DLGAP2: variants seen among roughly 807,000 people sequenced by gnomAD.
DLGAP2 encodes DLG associated protein 2.
A neutral mutation model predicts 100.3 loss-of-function variants in DLGAP2; 26 were observed. The observed-to-expected ratio is 0.26, with a 90% CI of 0.19 to 0.36. The LOEUF is 0.36. Ranked by LOEUF, DLGAP2 falls within the 10% of genes least tolerant of loss-of-function variation. DLGAP2 has a pLI of 1.00. For missense variants in DLGAP2, 1,858 were observed against 1,453.2 expected (o/e 1.28, Z -4.53); for synonymous variants, 886 against 630.1 (o/e 1.41, Z -6.08).
chr8:1,225,673 T>A (rs1047166804), intron 2 of DLGAP2, among the ~76,000 whole-genome samples: 18 of 152,230 alleles, frequency 1.2e-4, no homozygotes, highest in Non-Finnish European at 2.9e-5. Context: ...ATGAACAAAT[T>A]TCTACTAGGT....
At chr8:1,213,408 G>A (rs1220154197) in intron 2 of DLGAP2, among the ~76,000 whole-genome samples, 1 of 152,012 alleles carries the variant, frequency 6.6e-6, no homozygotes, top group African/African-American at 2.4e-5. Context: ...TTAATTTATG[G>A]CAATAAATAT....
intron 2 of DLGAP2, among the ~76,000 whole-genome samples, chr8:912,489 T>G (rs1233666975): frequency 6.6e-6 from 1 of 152,184 alleles, no homozygotes; most frequent in Non-Finnish European, 1.5e-5. Flanking sequence ...GAGGCCTCGT[T>G]CTAGTGTTTG....
intron 1 of DLGAP2, among the ~76,000 whole-genome samples, chr8:826,756 T>G (rs977136801): frequency 1.3e-5 from 2 of 152,154 alleles, no homozygotes; most frequent in Non-Finnish European, 2.9e-5. Flanking sequence ...CAGTGCTGTG[T>G]TTCTTTGGTG....
At chr8:1,424,722 G>A (rs1385315021) in intron 3 of DLGAP2, among the ~76,000 whole-genome samples, 1 of 152,186 alleles carries the variant, frequency 6.6e-6, no homozygotes, top group East Asian at 1.9e-4. Flanking sequence ...GATAGGACAA[G>A]GATGGTGTGA....
intron 2 of DLGAP2, among the ~76,000 whole-genome samples, chr8:1,256,709 G>T (rs945374796): frequency 1.3e-5 from 2 of 152,314 alleles, no homozygotes; most frequent in Admixed American, 1.3e-4. Flanking sequence ...TGGGCCCTCT[G>T]TTCCCGAGTG....
At chr8:1,082,330 C>T (rs1375292967) in intron 2 of DLGAP2, among the ~76,000 whole-genome samples, 1 of 152,074 alleles carries the variant, frequency 6.6e-6, no homozygotes, top group Non-Finnish European at 1.5e-5. Context: ...TTATTTTACC[C>T]CGTTGAGTCT....
At chr8:965,371 C>T (rs1264880819) in intron 2 of DLGAP2, among the ~76,000 whole-genome samples, 3 of 79,492 alleles carry the variant, frequency 3.8e-5, no homozygotes, top group Admixed American at 1.6e-4. Flanking sequence ...CTGACCCCTG[C>T]GCTGTACACG....
At chr8:1,075,640 A>G (rs1292024210) in intron 2 of DLGAP2, among the ~76,000 whole-genome samples, 1 of 152,134 alleles carries the variant, frequency 6.6e-6, no homozygotes, top group Non-Finnish European at 1.5e-5. Flanking sequence ...GTCCTTGATG[A>G]CCACTTGAAC....
At chr8:1,248,107 G>T (rs190443030) in intron 2 of DLGAP2, among the ~76,000 whole-genome samples, 3 of 3,566 alleles carry the variant, frequency 8.4e-4, no homozygotes, top group East Asian at 2.1e-3. Context: ...GATCAGTGTG[G>T]GAGTCTGATG....
At chr8:784,288 T>A (rs1821779745) in intron 1 of DLGAP2, among the ~76,000 whole-genome samples, 1 of 152,226 alleles carries the variant, frequency 6.6e-6, no homozygotes. Flanking sequence ...TCATCTAGAA[T>A]CTTTCTCACA....
chr8:1,281,500 C>G (rs1265362428), intron 3 of DLGAP2, among the ~76,000 whole-genome samples: 2 of 152,184 alleles, frequency 1.3e-5, no homozygotes, highest in Admixed American at 1.3e-4. Context: ...CACATCAGCC[C>G]CGGCGGAGAC....
chr8:983,460 C>G (rs1344702117), intron 2 of DLGAP2, among the ~76,000 whole-genome samples: 3 of 151,346 alleles, frequency 2.0e-5, no homozygotes, highest in Non-Finnish European at 2.9e-5. Context: ...AGATGTTCTT[C>G]TATCCCTTAG....
chr8:1,233,309 C>T (rs926757371), intron 2 of DLGAP2, among the ~76,000 whole-genome samples: 4 of 152,164 alleles, frequency 2.6e-5, no homozygotes, highest in Non-Finnish European at 4.4e-5. Flanking sequence ...ATATTTGCCA[C>T]GTGATATATT....
At chr8:1,470,775 A>ACCCCTCCAGGCTTTCACGACCCCTCCAG (rs1563168449) in intron 3 of DLGAP2, among the ~76,000 whole-genome samples, 1 of 76,042 alleles carries the variant, frequency 1.3e-5, no homozygotes, top group Non-Finnish European at 3.2e-5. Context: ...GCCTTTCCCG[A>ACCCCTCCAGGCTTTCACGACCCCTCCAG]CTCCCCCAGC....
At chr8:1,264,882 C>T (rs563765779) in intron 3 of DLGAP2, among the ~76,000 whole-genome samples, 7 of 152,128 alleles carry the variant, frequency 4.6e-5, no homozygotes, top group East Asian at 3.9e-4. Context: ...GTGCTGTTCT[C>T]GTGATAGTGA....
intron 2 of DLGAP2, among the ~76,000 whole-genome samples, chr8:1,196,945 A>G (rs1219061336): frequency 2.6e-5 from 4 of 152,144 alleles, no homozygotes; most frequent in Non-Finnish European, 5.9e-5. Flanking sequence ...ACTATTGTCC[A>G]TCCACAAGCT....
At chr8:1,372,078 G>C (rs1167367073) in intron 3 of DLGAP2, among the ~76,000 whole-genome samples, 1 of 152,260 alleles carries the variant, frequency 6.6e-6, no homozygotes, top group Non-Finnish European at 1.5e-5. Flanking sequence ...GCACCTGCCA[G>C]GTGATGGGGT....
At chr8:1,484,062 C>G (rs1320764637) in intron 3 of DLGAP2, among the ~76,000 whole-genome samples, 2 of 152,360 alleles carry the variant, frequency 1.3e-5, no homozygotes, top group East Asian at 3.9e-4. Context: ...GTGGAGGCAG[C>G]TGGAAGGAAG....
chr8:1,682,614 A>G (rs747023469), intron 12 of DLGAP2, among the ~76,000 whole-genome samples: 4 of 151,632 alleles, frequency 2.6e-5, no homozygotes, highest in Admixed American at 6.6e-5. Flanking sequence ...AGCTGGGACT[A>G]CAGACACGCA....
Sources: gnomAD v4.1 joint callset for allele counts (sites outside exome capture counted in the v4.1 genomes callset) on GRCh38, gnomAD v4.1.1 for gene constraint, MANE v1.5 for transcripts, NCBI Gene and HGNC (gene_info 2026-07-23, HGNC 2026-07-21) for gene names.